RNF150: variants seen among roughly 807,000 people sequenced by gnomAD.
RNF150 encodes the protein ring finger protein 150.
In RNF150, 24 loss-of-function variants were observed where a neutral mutation model predicts 39.3. The observed-to-expected ratio is 0.61, with a 90% confidence interval of 0.44 to 0.86. The LOEUF is 0.86. Among genes scored for constraint, RNF150 ranks in the 40% least tolerant of loss-of-function variants. The pLI, the probability that RNF150 is intolerant of heterozygous loss-of-function variation, is 0.00. For synonymous variants in RNF150, 255 were observed against 227.3 expected, an observed-to-expected ratio of 1.12 and a Z score of -1.10; for missense variants, 502 against 587.8, an observed-to-expected ratio of 0.85 and a Z score of 1.51.
intron 1 of RNF150, among the ~76,000 whole-genome samples, chr4:141,147,097 G>T (rs967356621): frequency 6.6e-6 from 1 of 152,166 alleles, no homozygotes; most frequent in African/African-American, 2.4e-5. Flanking sequence ...TGGGCCTACA[G>T]GTGTATGTCA....
At position 140,985,054 on chromosome 4, in the gene RNF150, A is replaced by T. The variant is rs2111465457; in HGVS notation, c.485-17181T>A. Among the ~76,000 whole-genome samples, 3 of 152,278 alleles carry T rather than the reference A, an allele frequency of 2.0e-5. No homozygotes were observed. In the South Asian group the frequency reaches 6.2e-4, roughly 32 times the overall value. ...ATAAACCCAAACCAAGACTGTGCCA[A>T]AAATTACTTCTCTCTTTTTTCTTTC... On this transcript the variant is annotated intron_variant, in intron 1 of 6. Coordinates refer to ENST00000515673, the MANE Select transcript of RNF150 (RefSeq NM_020724.2).
At chr4:140,895,274 T>C (rs973196905) in intron 6 of RNF150, among the ~76,000 whole-genome samples, 2 of 152,190 alleles carry the variant, frequency 1.3e-5, no homozygotes, top group Non-Finnish European at 2.9e-5. Context: ...TTTATGGTTA[T>C]ATTTTTAGAG....
intron 5 of RNF150, among the ~76,000 whole-genome samples, chr4:140,913,011 C>T (rs527514225): frequency 5.3e-5 from 8 of 150,762 alleles, no homozygotes; most frequent in South Asian, 2.1e-4. Context: ...TGGTGGCTCA[C>T]GCCTGTAATC....
At chr4:140,918,481 C>A (rs1730946436) in intron 5 of RNF150, among the ~76,000 whole-genome samples, 1 of 152,236 alleles carries the variant, frequency 6.6e-6, no homozygotes, top group Middle Eastern at 3.4e-3. Context: ...AAGGACTAAA[C>A]CAGGAAGAAG....
chr4:140,866,909 A>G lies in RNF150; in HGVS notation c.*1352T>C, dbSNP rs1728733293. The G allele has an allele frequency of 6.6e-6, 1 of 152,240 alleles. No homozygotes were observed. Among genetic ancestry groups the G allele is most frequent in the Non-Finnish European group, 1.5e-5 (1 of 68,046 alleles). The allele number at this position is 152,240 out of a possible 1,614,324, so 9.4% of individuals were successfully genotyped here. A position where few individuals can be genotyped will look rare whatever the true frequency, so the allele number is the denominator to read the frequency against. On this transcript the variant is annotated 3_prime_UTR_variant, in exon 7 of 7. Transcript: ENST00000515673. ...ATAGCACATTTCTGTCATAGTTACA[A>G]AAGATGAATAAAAACAGAAACAGTT...
chr4:140,974,328 T>C (rs1442365140), intron 1 of RNF150, among the ~76,000 whole-genome samples: 1 of 152,236 alleles, frequency 6.6e-6, no homozygotes, highest in East Asian at 1.9e-4. Context: ...AACAAGCATG[T>C]ATCAGTAATT....
intron 1 of RNF150, among the ~76,000 whole-genome samples, chr4:140,968,583 A>T (rs1429190251): frequency 6.6e-6 from 1 of 151,852 alleles, no homozygotes; most frequent in Non-Finnish European, 1.5e-5. Context: ...CACAAGGCAC[A>T]TACCAAGCAA....
Position 141,200,089 on chromosome 4 carries a change from G to C in RNF150, c.-6+12705C>G, listed in dbSNP as rs112721796. On this transcript the variant is annotated intron_variant, in intron 1 of 7. Coordinates refer to the RNF150 transcript ENST00000420921. ...CTGATAAGGCTTAGTTTGGGCTACT[G>C]TAACAAGATACTGGAGACTGAATAG... Among the ~76,000 whole-genome samples the C allele has an allele frequency of 1.8e-3, 273 of 152,304 alleles. 2 individuals are homozygous for C. Among genetic ancestry groups the C allele is most frequent in the African/African-American group, 6.3e-3 (262 of 41,558 alleles).
chr4:141,166,037 A>G (rs1226243202), intron 1 of RNF150, among the ~76,000 whole-genome samples: 1 of 152,158 alleles, frequency 6.6e-6, no homozygotes, highest in Non-Finnish European at 1.5e-5. Flanking sequence ...GATTAACAAA[A>G]TAGATAGACT....
chr4:141,095,685 A>T (rs1019509960), intron 1 of RNF150, among the ~76,000 whole-genome samples: 1 of 152,238 alleles, frequency 6.6e-6, no homozygotes, highest in African/African-American at 2.4e-5. Flanking sequence ...TAAAGCAGGT[A>T]AAACAAACAT....
At chr4:140,952,400 AT>A (rs1393708990) in intron 2 of RNF150, among the ~76,000 whole-genome samples, 2 of 152,228 alleles carry the variant, frequency 1.3e-5, no homozygotes, top group African/African-American at 4.8e-5. Flanking sequence ...AGCAAATGAA[AT>A]ATGCCCTTCT....
rs1728480818 is a variant in RNF150, at chr4:140,861,305, GCAAA to G, written c.*6952_*6955del. Reference sequence around the variant, plus strand: ...CATTCTAGCCAGAGGCATCTTCTTTGCAAACAGAGCAACATTATCCTTCAACATT... The same window carrying G: ...CATTCTAGCCAGAGGCATCTTCTTTGCAGAGCAACATTATCCTTCAACATT... On this transcript the variant is annotated 3_prime_UTR_variant, in exon 7 of 7. Coordinates refer to ENST00000515673, the MANE Select transcript of RNF150 (RefSeq NM_020724.2). The G allele has an allele frequency of 6.6e-6, 1 of 152,174 alleles. No homozygotes were observed. The highest frequency in any genetic ancestry group is 2.1e-4 in the South Asian group (1 of 4,822). 9.4% of individuals were successfully genotyped at this position (152,174 alleles called of 1,614,324 possible).
Position 140,868,237 on chromosome 4 carries a change from C to T in RNF150, c.*24G>A, listed in dbSNP as rs1031704696. 3.7e-6 allele frequency: 5 copies of T among 1,345,314 alleles called. No individual in the cohort carries two copies. The East Asian group carries it at 1.1e-4, about 31-fold the overall frequency. 83.3% of individuals were successfully genotyped at this position (1,345,314 alleles called of 1,614,324 possible). A position where few individuals can be genotyped will look rare whatever the true frequency, so the allele number is the denominator to read the frequency against. ...CTTCCTTTCCCTTGGGTCCTACTATCTCTTTGCTTCTGGATTTGTCGTTTC... is the reference window on the plus strand; with the variant it reads ...CTTCCTTTCCCTTGGGTCCTACTATTTCTTTGCTTCTGGATTTGTCGTTTC... On this transcript the variant is annotated 3_prime_UTR_variant, in exon 7 of 7. Coordinates refer to ENST00000515673, the MANE Select transcript of RNF150 (RefSeq NM_020724.2).
At chr4:140,906,002 G>A (rs773526929) in intron 6 of RNF150, among the ~76,000 whole-genome samples, 1 of 152,092 alleles carries the variant, frequency 6.6e-6, no homozygotes, top group Non-Finnish European at 1.5e-5. Flanking sequence ...AAGCAAGAGC[G>A]ACCCATCTGT....
chr4:141,086,998 T>C (rs1392969841), intron 1 of RNF150, among the ~76,000 whole-genome samples: 3 of 152,174 alleles, frequency 2.0e-5, no homozygotes, highest in African/African-American at 7.2e-5. Context: ...TAAAAATTTT[T>C]TATTTTAGGC....
intron 1 of RNF150, among the ~76,000 whole-genome samples, chr4:141,036,343 C>T (rs1459430329): frequency 2.0e-5 from 3 of 152,154 alleles, no homozygotes; most frequent in Non-Finnish European, 4.4e-5. Flanking sequence ...CACAATTCCC[C>T]TCCAATGCTA....
At chr4:141,079,575 G>A (rs775058040) in intron 1 of RNF150, among the ~76,000 whole-genome samples, 14 of 152,158 alleles carry the variant, frequency 9.2e-5, no homozygotes, top group Non-Finnish European at 1.9e-4. Context: ...CACAAGGTGA[G>A]TACTGTAAAA....
intron 5 of RNF150, among the ~76,000 whole-genome samples, chr4:140,920,687 G>A (rs949144096): frequency 2.0e-5 from 3 of 151,994 alleles, no homozygotes; most frequent in African/African-American, 4.8e-5. Flanking sequence ...CCATTACTGG[G>A]TATATACCCT....
intron 1 of RNF150, among the ~76,000 whole-genome samples, chr4:141,057,674 T>C (rs1402617431): frequency 6.6e-5 from 10 of 152,290 alleles, no homozygotes; most frequent in East Asian, 3.9e-4. Flanking sequence ...CTCCTTGGTT[T>C]CCTGATAACC....
Sources: allele counts gnomAD v4.1 joint callset (sites outside exome capture counted in the v4.1 genomes callset), GRCh38; gene constraint gnomAD v4.1.1; transcripts MANE v1.5; gene names NCBI Gene and HGNC (gene_info 2026-07-23, HGNC 2026-07-21).